Variants in MEI4 observed in about 807,000 individuals in gnomAD.
MEI4 encodes the protein meiotic double-stranded break formation protein 4.
A neutral mutation model predicts 31.4 loss-of-function variants in MEI4; 27 were observed. The observed-to-expected ratio is 0.86, with a 90% confidence interval of 0.63 to 1.19. The LOEUF (loss-of-function observed/expected upper bound fraction) is 1.19. MEI4 is among the 50% of genes most tolerant of loss of function. The probability of loss-of-function intolerance (pLI) is 0.00; values close to 1 mark genes in which losing one functional copy is unlikely to be tolerated. For synonymous variants in MEI4, 122 were observed against 145.4 expected, an observed-to-expected ratio of 0.84 and a Z score of 1.16; for missense variants, 329 against 398.9, an observed-to-expected ratio of 0.82 and a Z score of 1.49.
chr6:77,803,988 C>T (rs1449261177), intron 3 of MEI4, among the ~76,000 whole-genome samples: 1 of 152,186 alleles, frequency 6.6e-6, no homozygotes, highest in Admixed American at 6.5e-5. Context: ...AACCACTGCT[C>T]TCTTCAAAGC....
chr6:77,873,487 G>T (rs1167946840), intron 4 of MEI4, among the ~76,000 whole-genome samples: 1 of 152,156 alleles, frequency 6.6e-6, no homozygotes, highest in Non-Finnish European at 1.5e-5. Context: ...TGAGTTCATT[G>T]TAGATTCTGG....
At chr6:77,825,685 T>A (rs1769929233) in intron 3 of MEI4, among the ~76,000 whole-genome samples, 1 of 152,212 alleles carries the variant, frequency 6.6e-6, no homozygotes, top group South Asian at 2.1e-4. Context: ...TTATAGGAAT[T>A]TAAGTAGATA....
chr6:77,825,528 A>G (rs1769923033), intron 3 of MEI4, among the ~76,000 whole-genome samples: 2 of 152,294 alleles, frequency 1.3e-5, no homozygotes, highest in East Asian at 3.9e-4. Flanking sequence ...AGGAAACACA[A>G]GGACCTTTAT....
At position 77,706,006 on chromosome 6, in the gene MEI4, C is replaced by T. The variant is rs144426010; in HGVS notation, c.232+15103C>T. On this transcript the variant is annotated intron_variant, in intron 2 of 4. Coordinates refer to ENST00000684080, the MANE Select transcript of MEI4 (RefSeq NM_001322247.2). ...TGGTGCTTTGGTATGCTGAGTACTTCGAACTGAGGAACACGAAGGGTCTCA... is the reference window on the plus strand; with the variant it reads ...TGGTGCTTTGGTATGCTGAGTACTTTGAACTGAGGAACACGAAGGGTCTCA... Among the ~76,000 whole-genome samples, 974 of 152,168 alleles carry T rather than the reference C, an allele frequency of 6.4e-3. 4 individuals carry two copies. Among genetic ancestry groups the T allele is most frequent in the Middle Eastern group, 0.014 (4 of 294 alleles).
intron 3 of MEI4, among the ~76,000 whole-genome samples, chr6:77,822,722 C>A (rs1040612310): frequency 6.7e-6 from 1 of 149,100 alleles, no homozygotes. Flanking sequence ...TGGGTTCAAG[C>A]TATTCTCCTG....
At chr6:77,747,354 T>G (rs1430868199) in intron 2 of MEI4, among the ~76,000 whole-genome samples, 1 of 152,056 alleles carries the variant, frequency 6.6e-6, no homozygotes, top group Non-Finnish European at 1.5e-5. Flanking sequence ...GCCTGGAGAC[T>G]GTATAGTTTA....
chr6:77,711,922 T>C (rs1766474618), intron 2 of MEI4, among the ~76,000 whole-genome samples: 2 of 152,210 alleles, frequency 1.3e-5, no homozygotes, highest in Admixed American at 1.3e-4. Flanking sequence ...GATAGTACCA[T>C]GATTTCTATG....
At chr6:77,911,818 A>G (rs911047499) in intron 4 of MEI4, among the ~76,000 whole-genome samples, 4 of 151,068 alleles carry the variant, frequency 2.6e-5, no homozygotes, top group African/African-American at 9.7e-5. Context: ...GCTATTGTGA[A>G]TAGTGCTTTG....
chr6:77,664,742 G>A (rs2127643467), intron 1 of MEI4, among the ~76,000 whole-genome samples: 1 of 152,114 alleles, frequency 6.6e-6, no homozygotes, highest in East Asian at 1.9e-4. Flanking sequence ...GACTAGGAAG[G>A]GACTGATGTG....
chr6:77,922,330 G>C (rs1385734938), intron 4 of MEI4, among the ~76,000 whole-genome samples: 3 of 151,668 alleles, frequency 2.0e-5, no homozygotes, highest in African/African-American at 7.3e-5. Context: ...GTTCTAATTA[G>C]TCTACTTTTC....
At chr6:77,736,493 T>A (rs1582080173) in intron 2 of MEI4, among the ~76,000 whole-genome samples, 1 of 152,178 alleles carries the variant, frequency 6.6e-6, no homozygotes, top group Non-Finnish European at 1.5e-5. Context: ...CTGCTTCGGC[T>A]TGCGAACGGT....
intron 4 of MEI4, among the ~76,000 whole-genome samples, chr6:77,878,230 CT>C (rs1771392742): frequency 6.6e-6 from 1 of 151,920 alleles, no homozygotes; most frequent in African/African-American, 2.4e-5. Context: ...ATAAAAAAAC[CT>C]CTTGATATTA....
At chr6:77,834,094 C>G (rs992718955) in intron 4 of MEI4, among the ~76,000 whole-genome samples, 47 of 152,060 alleles carry the variant, frequency 3.1e-4, no homozygotes, top group Non-Finnish European at 7.4e-5. Context: ...CCCATTAAAA[C>G]AAAACAAAAC....
At chr6:77,752,133 C>G (rs1403318594) in intron 2 of MEI4, among the ~76,000 whole-genome samples, 6 of 152,076 alleles carry the variant, frequency 3.9e-5, no homozygotes, top group Admixed American at 1.3e-4. Flanking sequence ...ATAATAAGAG[C>G]TATTTATGAC....
At chr6:77,679,895 C>T (rs1768920441) in intron 1 of MEI4, among the ~76,000 whole-genome samples, 1 of 151,254 alleles carries the variant, frequency 6.6e-6, no homozygotes. Context: ...TATGCGCCAC[C>T]ATGGCTGGCT....
intron 3 of MEI4, among the ~76,000 whole-genome samples, chr6:77,813,322 G>A (rs532141096): frequency 6.6e-6 from 1 of 152,020 alleles, no homozygotes; most frequent in Non-Finnish European, 1.5e-5. Flanking sequence ...CTGTGAGAGA[G>A]ACAACAGCTC....
rs540088663 is a variant in MEI4 at position 77,733,022 on chromosome 6, G to A, written c.233-28108G>A. On this transcript the variant is annotated intron_variant, in intron 2 of 4. Coordinates refer to ENST00000684080, the MANE Select transcript of MEI4 (RefSeq NM_001322247.2). ...AGCTTTTTGATGTGCTGCTGGATTCGTTTTGCCAGTATTTTATTGAGGATT... is the reference window on the plus strand; with the variant it reads ...AGCTTTTTGATGTGCTGCTGGATTCATTTTGCCAGTATTTTATTGAGGATT... 4.1e-3 allele frequency among the ~76,000 whole-genome samples: 627 copies of A among 151,756 alleles called. 9 individuals are homozygous for A. Among genetic ancestry groups the A allele is most frequent in the African/African-American group, 0.014 (569 of 41,262 alleles).
chr6:77,773,868 C>A (rs963743765), intron 3 of MEI4, among the ~76,000 whole-genome samples: 17 of 152,112 alleles, frequency 1.1e-4, no homozygotes, highest in African/African-American at 4.1e-4. Flanking sequence ...TCTGAATAGA[C>A]ATTTCTCCAA....
At chr6:77,683,447 A>C (rs1286588336) in intron 1 of MEI4, among the ~76,000 whole-genome samples, 12 of 152,220 alleles carry the variant, frequency 7.9e-5, no homozygotes. Flanking sequence ...AGGAATTTTC[A>C]AGTGTGCAAA....
Sources: gnomAD v4.1 joint callset for allele counts (sites outside exome capture counted in the v4.1 genomes callset) on GRCh38, gnomAD v4.1.1 for gene constraint, MANE v1.5 for transcripts, NCBI Gene and HGNC (gene_info 2026-07-23, HGNC 2026-07-21) for gene names.